PCDHGA2: variants seen among roughly 807,000 people sequenced by gnomAD.
PCDHGA2 encodes protocadherin gamma-A2.
In PCDHGA2, 40 loss-of-function variants were observed where a neutral mutation model predicts 59.2. The ratio of observed to expected loss-of-function variants is 0.68; its 90% CI spans 0.52 to 0.88. The LOEUF is 0.88. PCDHGA2 is among the 40% of genes least tolerant of loss of function. The pLI is 0.00. For missense variants in PCDHGA2, 1,226 were observed against 1,204.0 expected, an observed-to-expected ratio of 1.02 and a Z score of -0.27; for synonymous variants, 560 against 526.0, an observed-to-expected ratio of 1.06 and a Z score of -0.89.
At chr5:141,408,847 G>A in intron 1 of PCDHGA2, 1 of 1,613,498 alleles carries the variant, frequency 6.2e-7, no homozygotes, top group African/African-American at 1.3e-5. Flanking sequence ...TGACTGCCTT[G>A]GACGGAGGGG....
intron 1 of PCDHGA2, chr5:141,356,276 C>A (rs1471282660): frequency 2.1e-5 from 33 of 1,559,972 alleles, no homozygotes; most frequent in Non-Finnish European, 2.8e-5. Flanking sequence ...GTCCAGGAAT[C>A]TTCTTCCCCG....
At chr5:141,371,952 T>A in intron 1 of PCDHGA2, 1 of 1,613,260 alleles carries the variant, frequency 6.2e-7, no homozygotes. Flanking sequence ...GCAGCGAGCC[T>A]TCGACCACGA....
At chr5:141,361,713 C>G in intron 1 of PCDHGA2, 1 of 1,613,404 alleles carries the variant, frequency 6.2e-7, no homozygotes, top group Non-Finnish European at 8.5e-7. Context: ...AGCAGCTGCG[C>G]GCCTTCGAGC....
At chr5:141,343,300 A>T in intron 1 of PCDHGA2, 3 of 971,226 alleles carry the variant, frequency 3.1e-6, no homozygotes, top group Non-Finnish European at 3.7e-6. Context: ...ATGTATAAAT[A>T]TGGCTGATTT....
At chr5:141,375,155 G>T in intron 1 of PCDHGA2, 1 of 1,613,962 alleles carries the variant, frequency 6.2e-7, no homozygotes, top group South Asian at 1.1e-5. Context: ...AACAATTGCT[G>T]AAAGTGCACC....
At chr5:141,453,919 C>T (rs142719452) in intron 1 of PCDHGA2, among the ~76,000 whole-genome samples, 2 of 152,318 alleles carry the variant, frequency 1.3e-5, no homozygotes, top group African/African-American at 4.8e-5. Flanking sequence ...TGTCAGTGAT[C>T]AGTCACTGTG....
intron 2 of PCDHGA2, among the ~76,000 whole-genome samples, chr5:141,497,984 C>G (rs2099780951): frequency 6.6e-6 from 1 of 152,194 alleles, no homozygotes; most frequent in South Asian, 2.1e-4. Flanking sequence ...TGGGAGGCCC[C>G]TGCCCTCAAG....
At position 141,340,242 on chromosome 5, in the gene PCDHGA2, C is replaced by G. The variant is rs1331766486; in HGVS notation, c.1271C>G (p.Ala424Gly). 6.2e-7 allele frequency: 1 copy of G among 1,614,000 alleles called. No individual in the cohort carries two copies. The highest frequency in any genetic ancestry group is 8.5e-7 in the Non-Finnish European group (1 of 1,179,946). ...TCCTTTTACAACATCACTCTAACCG[C>G]TAAAGATGGAGGGAACCCCTCCCTG... ...QFSFYNITLT[A>G]KDGGNPSLST... The change falls in exon 1 of 4, where the codon GCT becomes GGT. Residue 424 changes from alanine to glycine, a missense_variant. Ala to Gly is a moderately conservative substitution (Grantham distance 60). Coordinates refer to ENST00000394576, the MANE Select transcript of PCDHGA2 (RefSeq NM_018915.4).
chr5:141,339,191 C>G lies in PCDHGA2; in HGVS notation c.220C>G (p.Leu74Val). 2 of 1,614,106 alleles carry G rather than the reference C, an allele frequency of 1.2e-6. No individual in the cohort carries two copies. Among genetic ancestry groups the G allele is most frequent in the Non-Finnish European group, 1.7e-6 (2 of 1,179,924 alleles). The change falls in exon 1 of 4, where the codon CTC becomes GTC. Residue 74 changes from leucine (L) to valine (V), a missense_variant. Transcript: ENST00000394576. The part of the protein sequence containing the change: ...VRIVSRGRSQ[L>V]FALNPRSGSL... The stretch of plus-strand genomic sequence containing the variant: ...CATCGTCTCCAGAGGTAGGTCCCAG[C>G]TCTTTGCTCTGAACCCGCGAAGCGG...
chr5:141,408,985 G>A, intron 1 of PCDHGA2: 1 of 1,613,966 alleles, frequency 6.2e-7, no homozygotes, highest in South Asian at 1.1e-5. Context: ...GGTCCCCTGT[G>A]TTGCAAGTGA....
intron 1 of PCDHGA2, among the ~76,000 whole-genome samples, chr5:141,444,152 ATTTTTTTTTTTTTTTT>A (rs747671382): frequency 6.3e-3 from 214 of 33,896 alleles, no homozygotes; most frequent in African/African-American, 0.023. Flanking sequence ...TGTGTACTGG[ATTTTTTTTTTTTTTTT>A]TTTTTTTTTT....
At chr5:141,440,912 G>A (rs1281398967) in intron 1 of PCDHGA2, 1 of 152,254 alleles carries the variant, frequency 6.6e-6, no homozygotes, top group African/African-American at 2.4e-5. Context: ...GGGCACTCCT[G>A]TGCTGAGAGT....
At chr5:141,399,760 C>T in intron 1 of PCDHGA2, 3 of 1,613,342 alleles carry the variant, frequency 1.9e-6, no homozygotes, top group Non-Finnish European at 2.5e-6. Flanking sequence ...CGTGAGCCTG[C>T]GCGTGTTGGT....
intron 2 of PCDHGA2, among the ~76,000 whole-genome samples, chr5:141,505,145 G>A (rs540889707): frequency 1.3e-5 from 2 of 152,288 alleles, no homozygotes; most frequent in East Asian, 3.9e-4. Flanking sequence ...CTGGATGACA[G>A]AGTAAGACCC....
At position 141,505,390 on chromosome 5, in the gene PCDHGA2, C is replaced by T; in HGVS notation, c.2484-3C>T. On this transcript the variant is annotated splice_polypyrimidine_tract_variant and splice_region_variant and intron_variant, in intron 2 of 3. Coordinates refer to ENST00000394576, the MANE Select transcript of PCDHGA2 (RefSeq NM_018915.4). ...TGTGCTCACCATCCTACTCTCTCCCCAGCTCCCAAAATGGCGATGACACCG... is the reference window on the plus strand; with the variant it reads ...TGTGCTCACCATCCTACTCTCTCCCTAGCTCCCAAAATGGCGATGACACCG... The T allele has an allele frequency of 6.2e-7, 1 of 1,614,130 alleles. No individual in the cohort carries two copies.
At chr5:141,394,154 C>A (rs770076493) in intron 1 of PCDHGA2, 1 of 1,613,918 alleles carries the variant, frequency 6.2e-7, no homozygotes, top group Admixed American at 1.7e-5. Context: ...ACATTAACGA[C>A]AACCCTCCTA....
At chr5:141,363,012 T>G (rs1296290865) in intron 1 of PCDHGA2, among the ~76,000 whole-genome samples, 1 of 152,230 alleles carries the variant, frequency 6.6e-6, no homozygotes, top group African/African-American at 2.4e-5. Context: ...TCACAGGGCA[T>G]GGGTAGGACA....
chr5:141,428,040 G>T, intron 1 of PCDHGA2: 1 of 1,608,668 alleles, frequency 6.2e-7, no homozygotes, highest in Non-Finnish European at 8.5e-7. Flanking sequence ...CGGCTACCTG[G>T]TGACCAAGGT....
Position 141,340,440 on chromosome 5 carries a change from C to A in PCDHGA2, c.1469C>A (p.Ser490Tyr). The A allele has an allele frequency of 6.2e-7, 1 of 1,614,250 alleles. No individual in the cohort carries two copies. Among genetic ancestry groups the A allele is most frequent in the Non-Finnish European group, 8.5e-7 (1 of 1,180,056 alleles). The change falls in exon 1 of 4, where the codon TCT (serine) becomes TAT (tyrosine). Residue 490 changes from serine to tyrosine, a missense_variant. Physicochemically the swap from Ser to Tyr is moderately radical, Grantham distance 144. Transcript: ENST00000394576. ...AACGACAATGCTCATGTAACTTACT[C>A]TTTCGCGGAGGACACTGTTCAGGGG... ...DSNDNAHVTY[S>Y]FAEDTVQGAP... is the part of the protein sequence containing the mutation.
Sources: gnomAD v4.1 joint callset for allele counts (sites outside exome capture counted in the v4.1 genomes callset) on GRCh38, gnomAD v4.1.1 for gene constraint, MANE v1.5 for transcripts, NCBI Gene and HGNC (gene_info 2026-07-23, HGNC 2026-07-21) for gene names.